FAM168B: variants seen among roughly 807,000 people sequenced by gnomAD.
FAM168B encodes myelin-associated neurite-outgrowth inhibitor.
A neutral mutation model predicts 21.8 loss-of-function variants in FAM168B; 19 were observed. The ratio of observed to expected loss-of-function variants is 0.87; its 90% CI spans 0.61 to 1.28. FAM168B has a LOEUF of 1.28. Among genes scored for constraint, FAM168B ranks in the 50% most tolerant of loss-of-function variants. FAM168B has a pLI of 0.00. For synonymous variants in FAM168B, 126 were observed against 104.8 expected (o/e 1.20, Z -1.24); for missense variants, 233 against 263.1 (o/e 0.89, Z 0.79).
chr2:131,062,572 C>T (rs552784911), intron 3 of FAM168B, among the ~76,000 whole-genome samples: 26 of 152,248 alleles, frequency 1.7e-4, no homozygotes, highest in African/African-American at 6.3e-4. Context: ...CTCAGCCTCC[C>T]GAGTAGCTGG....
chr2:131,073,224 C>G (rs1692969165), intron 2 of FAM168B, among the ~76,000 whole-genome samples: 1 of 151,908 alleles, frequency 6.6e-6, no homozygotes, highest in South Asian at 2.1e-4. Flanking sequence ...TCCCTAGTAG[C>G]TGGGACTACA....
At chr2:131,062,606 C>T (rs1220548276) in intron 3 of FAM168B, among the ~76,000 whole-genome samples, 3 of 152,208 alleles carry the variant, frequency 2.0e-5, no homozygotes, top group Admixed American at 6.5e-5. Flanking sequence ...CACCACCATG[C>T]TTAGCTAATT....
At chr2:131,073,250 G>A (rs1033675286) in intron 2 of FAM168B, among the ~76,000 whole-genome samples, 2 of 151,898 alleles carry the variant, frequency 1.3e-5, no homozygotes, top group African/African-American at 4.8e-5. Context: ...GCACCACCAC[G>A]CCCAGCTAAT....
chr2:131,060,392 T>C (rs1054623500), intron 3 of FAM168B, among the ~76,000 whole-genome samples: 51 of 152,370 alleles, frequency 3.3e-4, no homozygotes, highest in African/African-American at 1.2e-3. Flanking sequence ...TATGTTCCCA[T>C]GTATTTCTGT....
rs1691688749 is a variant in FAM168B, at chr2:131,051,736, T to C, written c.*729A>G. 1 of 985,370 alleles carries C rather than the reference T, an allele frequency of 1.0e-6. No individual in the cohort carries two copies. Among genetic ancestry groups the C allele is most frequent in the Non-Finnish European group, 1.2e-6 (1 of 829,930 alleles). The allele number at this position is 985,370 out of a possible 1,614,324, so 61.0% of individuals were successfully genotyped here. The stretch of plus-strand genomic sequence containing the variant: ...TCGCCCCAAATTTCACTGGCCACAC[T>C]ACCATAATCTTTCATGATGAGCTTT... On this transcript the variant is annotated 3_prime_UTR_variant, in exon 7 of 7. Coordinates refer to ENST00000389915, the MANE Select transcript of FAM168B (RefSeq NM_001009993.4).
At chr2:131,057,640 C>A (rs1692092317) in intron 3 of FAM168B, among the ~76,000 whole-genome samples, 1 of 152,050 alleles carries the variant, frequency 6.6e-6, no homozygotes, top group Non-Finnish European at 1.5e-5. Flanking sequence ...AAAAAATGAG[C>A]TGAGTATAAA....
chr2:131,055,743 C>A (rs1279494478), intron 3 of FAM168B, 48 bp from the exon 4 acceptor site: 3 of 1,595,028 alleles, frequency 1.9e-6, no homozygotes, highest in Non-Finnish European at 8.5e-7. Context: ...CCGGTCCAGG[C>A]GCAGGGAGAG....
intron 3 of FAM168B, among the ~76,000 whole-genome samples, chr2:131,063,917 A>G (rs537190969): frequency 2.0e-5 from 3 of 152,214 alleles, no homozygotes; most frequent in Non-Finnish European, 2.9e-5. Context: ...ATAGTAACTC[A>G]ACAGGAACTT....
chr2:131,079,004 T>A (rs1359098248), intron 2 of FAM168B, among the ~76,000 whole-genome samples: 4 of 149,418 alleles, frequency 2.7e-5, no homozygotes, highest in East Asian at 2.0e-4. Context: ...AAAAAAAAAA[T>A]TATTTTGACA....
chr2:131,071,793 T>A, intron 3 of FAM168B, 62 bp downstream of exon 3: 4 of 1,352,956 alleles, frequency 3.0e-6, no homozygotes, highest in Non-Finnish European at 4.2e-6. Context: ...CCTCTCAAAA[T>A]CCACCCCTTC....
rs2105446135 is a variant in FAM168B, at chr2:131,051,012, T to C, written c.*1453A>G. On this transcript the variant is annotated 3_prime_UTR_variant, in exon 7 of 7. Transcript: ENST00000389915. ...TGGGGGCGGGGTGGAGGGAAGCCTTTTCATTTCTTATGTACAAGATTCAGA... is the reference window on the plus strand; with the variant it reads ...TGGGGGCGGGGTGGAGGGAAGCCTTCTCATTTCTTATGTACAAGATTCAGA... 1.0e-6 allele frequency: 1 copy of C among 985,380 alleles called. No homozygotes were observed. Among genetic ancestry groups the C allele is most frequent in the Non-Finnish European group, 1.2e-6 (1 of 829,954 alleles). The allele number at this position is 985,380 out of a possible 1,614,324, so 61.0% of individuals were successfully genotyped here.
In FAM168B at chr2:131,049,038, C is replaced by A; in HGVS notation, c.*3427G>T. The A allele has an allele frequency of 1.0e-6, 1 of 985,466 alleles. No homozygotes were observed. The highest frequency in any genetic ancestry group is 1.2e-6 in the Non-Finnish European group (1 of 829,946). The allele number at this position is 985,466 out of a possible 1,614,324, so 61.0% of individuals were successfully genotyped here. On this transcript the variant is annotated 3_prime_UTR_variant, in exon 7 of 7. Coordinates refer to ENST00000389915, the MANE Select transcript of FAM168B (RefSeq NM_001009993.4). ...TCCTTTTTTAAAGCAGACACCAATA[C>A]TTACATAACTAGTACATGTTGGCCT...
At chr2:131,081,746 A>T (rs75053380) in intron 2 of FAM168B, among the ~76,000 whole-genome samples, 310 of 152,304 alleles carry the variant, frequency 2.0e-3, no homozygotes, top group Non-Finnish European at 3.6e-3. Flanking sequence ...CAAATAGCAC[A>T]TGTGCCCAGG....
Position 131,050,760 on chromosome 2 carries a change from C to A in FAM168B, c.*1705G>T. On this transcript the variant is annotated 3_prime_UTR_variant, in exon 7 of 7. Coordinates refer to ENST00000389915, the MANE Select transcript of FAM168B (RefSeq NM_001009993.4). ...ACTGGGGCAGAATGCTAGTGGGCAT[C>A]CTCACTGGGCGCCAGTGCCCTGACC... is the stretch of plus-strand genomic sequence containing the variant. 2 of 985,458 alleles carry A rather than the reference C, an allele frequency of 2.0e-6. No individual in the cohort carries two copies. Among genetic ancestry groups the A allele is most frequent in the Non-Finnish European group, 2.4e-6 (2 of 829,940 alleles). 61.0% of individuals were successfully genotyped at this position (985,458 alleles called of 1,614,324 possible).
chr2:131,076,023 G>A (rs111604844), intron 2 of FAM168B, among the ~76,000 whole-genome samples: 7 of 152,192 alleles, frequency 4.6e-5, no homozygotes, highest in Admixed American at 2.0e-4. Flanking sequence ...CCAAGCCGCA[G>A]CGTGGCTCCC....
intron 1 of FAM168B, among the ~76,000 whole-genome samples, chr2:131,084,213 A>T (rs1420928989): frequency 7.8e-4 from 81 of 104,330 alleles, no homozygotes; most frequent in Non-Finnish European, 1.5e-4. Context: ...ACCCCAAGAC[A>T]GGGTCTTGCT....
chr2:131,049,135 A>G lies in FAM168B; in HGVS notation c.*3330T>C. On this transcript the variant is annotated 3_prime_UTR_variant, in exon 7 of 7. Coordinates refer to ENST00000389915, the MANE Select transcript of FAM168B (RefSeq NM_001009993.4). The stretch of plus-strand genomic sequence containing the variant: ...GGGGCCAACACTGACAGGTATTAGT[A>G]CGTCGCAAGTTGCTGTAATAATGTA... 1.0e-6 allele frequency: 1 copy of G among 985,478 alleles called. No homozygotes were observed. The highest frequency in any genetic ancestry group is 1.2e-6 in the Non-Finnish European group (1 of 829,944). 61.0% of individuals were successfully genotyped at this position (985,478 alleles called of 1,614,324 possible). A position where few individuals can be genotyped will look rare whatever the true frequency, so the allele number is the denominator to read the frequency against.
chr2:131,049,887 C>A lies in FAM168B; in HGVS notation c.*2578G>T, dbSNP rs143349875. 3.0e-6 allele frequency: 3 copies of A among 985,654 alleles called. No individual in the cohort carries two copies. The highest frequency in any genetic ancestry group is 9.4e-5 in the South Asian group (2 of 21,290). 61.1% of individuals were successfully genotyped at this position (985,654 alleles called of 1,614,324 possible). Reference sequence around the variant, plus strand: ...TAATTGACTTTAATTTTACTAGAAGCGAATGTTGATAAAATTACAACCTAT... The same window carrying A: ...TAATTGACTTTAATTTTACTAGAAGAGAATGTTGATAAAATTACAACCTAT... On this transcript the variant is annotated 3_prime_UTR_variant, in exon 7 of 7. Coordinates refer to ENST00000389915, the MANE Select transcript of FAM168B (RefSeq NM_001009993.4).
At chr2:131,059,161 G>T (rs942543254) in intron 3 of FAM168B, among the ~76,000 whole-genome samples, 4 of 152,198 alleles carry the variant, frequency 2.6e-5, no homozygotes, top group African/African-American at 4.8e-5. Context: ...TGTCACAGCG[G>T]AGATGATCAG....
Sources: allele counts gnomAD v4.1 joint callset (sites outside exome capture counted in the v4.1 genomes callset), GRCh38; gene constraint gnomAD v4.1.1; transcripts MANE v1.5; gene names NCBI Gene and HGNC (gene_info 2026-07-23, HGNC 2026-07-21).